Variants in SLC1A2 observed in about 807,000 individuals in gnomAD.
SLC1A2 encodes the protein solute carrier family 1 member 2, also known as excitatory amino acid transporter 2.
A neutral mutation model predicts 48.8 loss-of-function variants in SLC1A2; 15 were observed. The ratio of observed to expected loss-of-function variants is 0.31; its 90% CI spans 0.21 to 0.47. The LOEUF is 0.47. SLC1A2 is among the 20% of genes least tolerant of loss of function. The pLI, the probability that SLC1A2 is intolerant of heterozygous loss-of-function variation, is 0.99. For synonymous variants in SLC1A2, 279 were observed against 272.6 expected (o/e 1.02, Z -0.23); for missense variants, 502 against 730.5 (o/e 0.69, Z 3.61).
intron 1 of SLC1A2, among the ~76,000 whole-genome samples, chr11:35,355,237 C>T (rs192154938): frequency 1.4e-4 from 22 of 152,264 alleles, no homozygotes; most frequent in Non-Finnish European, 2.4e-4. Context: ...AGTTTACTCT[C>T]AGGATGAAAA....
At chr11:35,369,122 T>G (rs2135158268) in intron 1 of SLC1A2, among the ~76,000 whole-genome samples, 1 of 152,338 alleles carries the variant, frequency 6.6e-6, no homozygotes, top group East Asian at 1.9e-4. Context: ...TTCCCGAGGC[T>G]TCTCCCTGGT....
At position 35,260,500 on chromosome 11, in the gene SLC1A2, G is replaced by C. The variant is rs577622872; in HGVS notation, c.*394C>G. Reference sequence around the variant, plus strand: ...TGGAGAACACTTTAAGGAATAACACGCTGTGTGTTTGCTCATTTTCCCAAG... The same window carrying C: ...TGGAGAACACTTTAAGGAATAACACCCTGTGTGTTTGCTCATTTTCCCAAG... On this transcript the variant is annotated 3_prime_UTR_variant, in exon 11 of 11. Transcript: ENST00000278379. 9.9e-4 allele frequency: 180 copies of C among 182,618 alleles called. No homozygotes were observed. The highest frequency in any genetic ancestry group is 1.8e-3 in the Non-Finnish European group (156 of 85,458). 11.3% of individuals were successfully genotyped at this position (182,618 alleles called of 1,614,324 possible).
chr11:35,419,065 T>A lies in SLC1A2; in HGVS notation c.-99A>T. 1 of 1,114,480 alleles carries A rather than the reference T, an allele frequency of 9.0e-7. No homozygotes were observed. The highest frequency in any genetic ancestry group is 1.3e-6 in the Non-Finnish European group (1 of 771,508). 69.0% of individuals were successfully genotyped at this position (1,114,480 alleles called of 1,614,324 possible). A position where few individuals can be genotyped will look rare whatever the true frequency, so the allele number is the denominator to read the frequency against. ...GAGCGCGAAGTGCGGCCGGGAGCGGTATTTAAGAGGAGCCTCTGCCCGCCC... is the reference window on the plus strand; with the variant it reads ...GAGCGCGAAGTGCGGCCGGGAGCGGAATTTAAGAGGAGCCTCTGCCCGCCC... On this transcript the variant is annotated 5_prime_UTR_variant, in exon 1 of 11. Transcript: ENST00000278379. The surrounding 1 kb of genome is among the most constrained non-coding windows in gnomAD (Gnocchi z 5.4).
chr11:35,324,747 G>C (rs1245167805), intron 1 of SLC1A2, among the ~76,000 whole-genome samples: 1 of 152,166 alleles, frequency 6.6e-6, no homozygotes, highest in Non-Finnish European at 1.5e-5. Context: ...GACATCAGGA[G>C]TACAACCTTA....
chr11:35,307,483 T>C (rs1303694929), intron 4 of SLC1A2, among the ~76,000 whole-genome samples: 3 of 152,184 alleles, frequency 2.0e-5, no homozygotes, highest in Non-Finnish European at 4.4e-5. Flanking sequence ...TGCAGAGTGC[T>C]ATAAAAATCC....
At chr11:35,301,693 AC>A (rs764864002) in intron 5 of SLC1A2, 48 bp from the exon 6 acceptor site, 6 of 1,585,520 alleles carry the variant, frequency 3.8e-6, no homozygotes, top group Non-Finnish European at 5.2e-6. Context: ...CAAAAAATGT[AC>A]TTTTTCTCCC....
intron 1 of SLC1A2, among the ~76,000 whole-genome samples, chr11:35,379,968 A>G (rs1488112780): frequency 6.6e-6 from 1 of 152,242 alleles, no homozygotes; most frequent in Middle Eastern, 3.2e-3. Context: ...GACTGCAAAG[A>G]CTTTACTTGC....
At position 35,260,539 on chromosome 11, in the gene SLC1A2, C is replaced by T. The variant is rs564638683; in HGVS notation, c.*355G>A. 7.0e-4 allele frequency: 186 copies of T among 264,044 alleles called. No homozygotes were observed. Among genetic ancestry groups the T allele is most frequent in the Non-Finnish European group, 1.2e-3 (163 of 136,150 alleles). The allele number at this position is 264,044 out of a possible 1,614,324, so 16.4% of individuals were successfully genotyped here. ...CATTTTCCCAAGTCCCTGGAGTGTA[C>T]CACACTGCTTTACTCATGTCCCCTG... On this transcript the variant is annotated 3_prime_UTR_variant, in exon 11 of 11. Transcript: ENST00000278379.
At chr11:35,367,310 T>G (rs902263508) in intron 1 of SLC1A2, among the ~76,000 whole-genome samples, 3 of 152,198 alleles carry the variant, frequency 2.0e-5, no homozygotes, top group African/African-American at 7.2e-5. Flanking sequence ...GATGAGGAAC[T>G]TGACCCAGAA....
chr11:35,377,500 C>T (rs967118922), intron 1 of SLC1A2, among the ~76,000 whole-genome samples: 1 of 152,196 alleles, frequency 6.6e-6, no homozygotes, highest in Non-Finnish European at 1.5e-5. Flanking sequence ...ACTCTATTTT[C>T]GTGAGATAAC....
chr11:35,392,318 G>A (rs1854803256), intron 1 of SLC1A2: 2 of 152,334 alleles, frequency 1.3e-5, no homozygotes, highest in South Asian at 4.1e-4. Flanking sequence ...AAGACACAGA[G>A]AATGTGAACT....
At chr11:35,415,372 CTG>C (rs1447934482) in intron 1 of SLC1A2, among the ~76,000 whole-genome samples, 1 of 152,248 alleles carries the variant, frequency 6.6e-6, no homozygotes, top group Admixed American at 6.5e-5. Flanking sequence ...TCACAAGCGA[CTG>C]TCTTAGTAAA....
chr11:35,263,001 G>C (rs887096360), intron 10 of SLC1A2, among the ~76,000 whole-genome samples: 1 of 152,138 alleles, frequency 6.6e-6, no homozygotes, highest in Non-Finnish European at 1.5e-5. Context: ...ATGCTAAAAG[G>C]ATCCATTCAA....
At chr11:35,276,979 G>A (rs1388759125) in intron 9 of SLC1A2, among the ~76,000 whole-genome samples, 1 of 152,144 alleles carries the variant, frequency 6.6e-6, no homozygotes, top group Non-Finnish European at 1.5e-5. Context: ...CTGGTATCTG[G>A]TAAGGGCCTT....
chr11:35,344,927 GC>G (rs1300875440), intron 1 of SLC1A2, among the ~76,000 whole-genome samples: 1 of 152,180 alleles, frequency 6.6e-6, no homozygotes, highest in Non-Finnish European at 1.5e-5. Flanking sequence ...AGCTAGAGGA[GC>G]TTTTAATCTC....
chr11:35,305,417 G>A (rs890812066), intron 5 of SLC1A2, among the ~76,000 whole-genome samples: 1 of 152,140 alleles, frequency 6.6e-6, no homozygotes, highest in Non-Finnish European at 1.5e-5. Flanking sequence ...CAGAGAAATG[G>A]AGTAACTTGC....
rs188755306 is a variant in SLC1A2, at chr11:35,322,927, C to T, written c.18-5411G>A. 3.1e-5 allele frequency: 19 copies of T among 611,014 alleles called. No individual in the cohort carries two copies. The African/African-American group carries it at 3.3e-4, about 11-fold the overall frequency. The allele number at this position is 611,014 out of a possible 1,614,324, so 37.8% of individuals were successfully genotyped here. ...CATTTCCAACAGCCTGCAAATCCCT[C>T]CACCCTTCCTAGATCCTGTAAGACC... On this transcript the variant is annotated intron_variant, in intron 1 of 10. Coordinates refer to ENST00000278379, the MANE Select transcript of SLC1A2 (RefSeq NM_004171.4).
chr11:35,320,490 C>T (rs796227818), intron 1 of SLC1A2, among the ~76,000 whole-genome samples: 1 of 152,086 alleles, frequency 6.6e-6, no homozygotes, highest in East Asian at 1.9e-4. Flanking sequence ...AGAAGGGGTC[C>T]CAGAAGGGGC....
chr11:35,387,262 T>A (rs1854613378), intron 1 of SLC1A2, among the ~76,000 whole-genome samples: 1 of 152,132 alleles, frequency 6.6e-6, no homozygotes, highest in African/African-American at 2.4e-5. Flanking sequence ...AAATGCCAGT[T>A]CAAGATGCTG....
Sources: gnomAD v4.1 joint callset for allele counts (sites outside exome capture counted in the v4.1 genomes callset) on GRCh38, gnomAD v4.1.1 for gene constraint, Gnocchi (gnomAD v3.1) non-coding constraint, MANE v1.5 for transcripts, NCBI Gene and HGNC (gene_info 2026-07-23, HGNC 2026-07-21) for gene names.